Variants in PPARGC1A observed in about 807,000 individuals in gnomAD.
The protein encoded by PPARGC1A is PPARG coactivator 1 alpha.
Under a neutral mutation model 88.7 loss-of-function variants are expected in PPARGC1A, and 25 were observed. The ratio of observed to expected loss-of-function variants is 0.28; its 90% CI spans 0.21 to 0.39. The LOEUF (loss-of-function observed/expected upper bound fraction) is 0.39, where lower values mean the gene tolerates loss of function less well. Ranked by LOEUF, PPARGC1A falls within the 10% of genes least tolerant of loss-of-function variation. PPARGC1A has a pLI of 1.00. For synonymous variants in PPARGC1A, 363 were observed against 355.6 expected (o/e 1.02, Z -0.24); for missense variants, 880 against 968.7 (o/e 0.91, Z 1.22).
intron 2 of PPARGC1A, among the ~76,000 whole-genome samples, chr4:23,872,182 T>C (rs553444696): frequency 4.6e-5 from 7 of 152,182 alleles, no homozygotes; most frequent in African/African-American, 1.7e-4. Context: ...AGACCTAAAA[T>C]GGTACCAAAC....
At chr4:24,122,420 T>TGC in the PPARGC1A span, among the ~76,000 whole-genome samples, 287 of 107,918 alleles carry the variant, frequency 2.7e-3, 1 homozygote, top group Non-Finnish European at 3.2e-3. Context: ...TGTGTGCATA[T>TGC]ATATATATAT....
chr4:23,862,702 A>T (rs61301272), intron 2 of PPARGC1A, among the ~76,000 whole-genome samples: 1 of 152,088 alleles, frequency 6.6e-6, no homozygotes, highest in Non-Finnish European at 1.5e-5. Flanking sequence ...GTGCTGGGCA[A>T]GCCCAAAGCT....
chr4:24,296,445 T>C, the PPARGC1A span, among the ~76,000 whole-genome samples: 1 of 152,236 alleles, frequency 6.6e-6, no homozygotes, highest in South Asian at 2.1e-4. Context: ...AGAACTTAGG[T>C]TGCTCTGAGG....
chr4:24,194,670 C>CACA, the PPARGC1A span, among the ~76,000 whole-genome samples: 13 of 3,512 alleles, frequency 3.7e-3, 1 homozygote, highest in Admixed American at 5.9e-3. Context: ...ACACACACAC[C>CACA]CCCATCAAGA....
the PPARGC1A span, among the ~76,000 whole-genome samples, chr4:23,987,174 G>A: frequency 9.7e-4 from 147 of 152,070 alleles, no homozygotes; most frequent in African/African-American, 3.3e-3. Flanking sequence ...TTGCAAAATC[G>A]CTTGATGAAA....
the PPARGC1A span, among the ~76,000 whole-genome samples, chr4:23,948,905 G>A: frequency 2.0e-5 from 3 of 152,012 alleles, no homozygotes; most frequent in Admixed American, 2.0e-4. Flanking sequence ...AAACTGAATG[G>A]GCTTCTTCCT....
the PPARGC1A span, among the ~76,000 whole-genome samples, chr4:24,329,381 G>A: frequency 1.3e-5 from 2 of 151,854 alleles, no homozygotes; most frequent in Non-Finnish European, 2.9e-5. Context: ...AGCCTTTGAG[G>A]CCCTGCGTGA....
At chr4:24,130,095 A>G in the PPARGC1A span, among the ~76,000 whole-genome samples, 1 of 152,190 alleles carries the variant, frequency 6.6e-6, no homozygotes, top group East Asian at 1.9e-4. Flanking sequence ...AAATGTATAC[A>G]TATGTAACTA....
At chr4:24,404,688 G>A in the PPARGC1A span, among the ~76,000 whole-genome samples, 3 of 152,158 alleles carry the variant, frequency 2.0e-5, no homozygotes, top group Non-Finnish European at 4.4e-5. Context: ...GCAAATGGTG[G>A]CCACTGGCAA....
At chr4:24,039,178 T>C in the PPARGC1A span, among the ~76,000 whole-genome samples, 2 of 152,152 alleles carry the variant, frequency 1.3e-5, no homozygotes, top group Non-Finnish European at 2.9e-5. Context: ...CGCTTTCCAA[T>C]TGGAAGCATA....
the PPARGC1A span, among the ~76,000 whole-genome samples, chr4:24,454,105 T>C: frequency 6.6e-6 from 1 of 151,798 alleles, no homozygotes; most frequent in Non-Finnish European, 1.5e-5. Context: ...GAAACGTGGA[T>C]ACATGGCTGT....
the PPARGC1A span, among the ~76,000 whole-genome samples, chr4:24,200,732 G>A: frequency 4.7e-5 from 7 of 149,454 alleles, no homozygotes; most frequent in Non-Finnish European, 1.0e-4. Context: ...ACACATGGGT[G>A]TTTCTTAGGC....
rs66852812 is a variant in PPARGC1A, at chr4:23,859,780, C to CAAAATAAAAT, written c.234+24962_234+24971dup. 3.7e-4 allele frequency among the ~76,000 whole-genome samples: 44 copies of CAAAATAAAAT among 118,544 alleles called. 1 individual carries two copies. The highest frequency in any genetic ancestry group is 2.1e-3 in the East Asian group (8 of 3,854). The allele number at this position is 118,544 out of a possible 152,430, so 77.8% of individuals were successfully genotyped here. On this transcript the variant is annotated intron_variant, in intron 2 of 12. Coordinates refer to ENST00000264867, the MANE Select transcript of PPARGC1A (RefSeq NM_013261.5). Reference sequence around the variant, plus strand: ...TGGGAGAGAGTGCAAGACACCGTCTCAAAATAAAATAAAATAAAATAAAAT... The same window carrying CAAAATAAAAT: ...TGGGAGAGAGTGCAAGACACCGTCTCAAAATAAAATAAAATAAAATAAAATAAAATAAAAT...
At chr4:23,958,649 C>T in the PPARGC1A span, among the ~76,000 whole-genome samples, 2 of 152,022 alleles carry the variant, frequency 1.3e-5, no homozygotes. Context: ...GTGAGCATAA[C>T]TCATTGTGCT....
the PPARGC1A span, among the ~76,000 whole-genome samples, chr4:24,389,087 C>A: frequency 6.6e-6 from 1 of 152,038 alleles, no homozygotes; most frequent in Non-Finnish European, 1.5e-5. Context: ...AGTTTCCCTG[C>A]ATTTTTAGTT....
chr4:24,121,088 T>C, the PPARGC1A span, among the ~76,000 whole-genome samples: 2 of 152,162 alleles, frequency 1.3e-5, no homozygotes, highest in Non-Finnish European at 2.9e-5. Context: ...GGGGTAGTAA[T>C]AACAGCCTGG....
the PPARGC1A span, among the ~76,000 whole-genome samples, chr4:24,260,767 T>G: frequency 7.5e-6 from 1 of 132,798 alleles, no homozygotes; most frequent in Non-Finnish European, 1.6e-5. Flanking sequence ...TGCACTGATA[T>G]AACAGAACCT....
the PPARGC1A span, among the ~76,000 whole-genome samples, chr4:24,257,509 C>T: frequency 6.6e-6 from 1 of 152,160 alleles, no homozygotes; most frequent in African/African-American, 2.4e-5. Flanking sequence ...TGCACCAATT[C>T]AATGGAGAAA....
At chr4:24,265,045 T>C in the PPARGC1A span, among the ~76,000 whole-genome samples, 2 of 152,200 alleles carry the variant, frequency 1.3e-5, no homozygotes, top group Non-Finnish European at 2.9e-5. Flanking sequence ...ACAATGTATG[T>C]TTCCCCAATG....
Sources: gnomAD v4.1 joint callset for allele counts (sites outside exome capture counted in the v4.1 genomes callset) on GRCh38, gnomAD v4.1.1 for gene constraint, MANE v1.5 for transcripts, NCBI Gene and HGNC (gene_info 2026-07-23, HGNC 2026-07-21) for gene names.